DGKI: variants seen among roughly 807,000 people sequenced by gnomAD.
DGKI encodes diacylglycerol kinase iota, also known as DAG kinase iota.
A neutral mutation model predicts 147.5 loss-of-function variants in DGKI; 55 were observed. The observed-to-expected ratio is 0.37, with a 90% CI of 0.30 to 0.47. The LOEUF is 0.47. Ranked by LOEUF, DGKI falls within the 20% of genes least tolerant of loss-of-function variation. DGKI has a pLI of 1.00. For missense variants in DGKI, 1,007 were observed against 1,323.8 expected (o/e 0.76, Z 3.71); for synonymous variants, 469 against 477.1 (o/e 0.98, Z 0.22).
intron 2 of DGKI, among the ~76,000 whole-genome samples, chr7:137,683,074 T>A (rs140954697): frequency 1.3e-5 from 2 of 152,272 alleles, no homozygotes; most frequent in Non-Finnish European, 2.9e-5. Flanking sequence ...CTTTTCATTA[T>A]CTGAATATAC....
chr7:137,753,620 G>A (rs1211236422), intron 1 of DGKI, among the ~76,000 whole-genome samples: 1 of 152,158 alleles, frequency 6.6e-6, no homozygotes, highest in Non-Finnish European at 1.5e-5. Context: ...AGGCAAGGCT[G>A]ATAGAGGTTT....
At chr7:137,588,609 C>T (rs1396873539) in intron 12 of DGKI, among the ~76,000 whole-genome samples, 5 of 151,750 alleles carry the variant, frequency 3.3e-5, no homozygotes, top group Admixed American at 1.3e-4. Flanking sequence ...CCCAAGTAGC[C>T]GGGACTACAG....
In DGKI at chr7:137,624,474, T is replaced by G. The variant is rs140890073; in HGVS notation, c.805-920A>C. ...TCTGGCTTAATGTGTACAGATAATT[T>G]TAAGTTGAAAATCAATTACCACATT... is the stretch of plus-strand genomic sequence containing the variant. On this transcript the variant is annotated intron_variant, in intron 6 of 32. Transcript: ENST00000614521. 6.8e-4 allele frequency among the ~76,000 whole-genome samples: 104 copies of G among 152,332 alleles called. 1 individual carries two copies. The highest frequency in any genetic ancestry group is 2.5e-3 in the African/African-American group (103 of 41,574).
In DGKI at chr7:137,387,045, C is replaced by G. The variant is rs1042231917; in HGVS notation, c.*4175G>C. On this transcript the variant is annotated 3_prime_UTR_variant, in exon 33 of 33. Coordinates refer to ENST00000614521, the MANE Select transcript of DGKI (RefSeq NM_001321708.2). ...GTTCTCAGTGATTTCATTAGCTACT[C>G]CTTCTGGAAGGAAGACAAGCTGCTC... The G allele has an allele frequency of 1.2e-4, 18 of 152,068 alleles. No homozygotes were observed. Among genetic ancestry groups the G allele is most frequent in the African/African-American group, 3.9e-4 (16 of 41,408 alleles). 9.4% of individuals were successfully genotyped at this position (152,068 alleles called of 1,614,324 possible). A position where few individuals can be genotyped will look rare whatever the true frequency, so the allele number is the denominator to read the frequency against.
chr7:137,438,646 G>T (rs1180567031), intron 28 of DGKI, among the ~76,000 whole-genome samples: 1 of 151,986 alleles, frequency 6.6e-6, no homozygotes, highest in Non-Finnish European at 1.5e-5. Flanking sequence ...GTTTGCAAGA[G>T]CAAAACAAAA....
At chr7:137,479,613 G>C (rs1815299343) in intron 23 of DGKI, among the ~76,000 whole-genome samples, 2 of 152,118 alleles carry the variant, frequency 1.3e-5, no homozygotes, top group Admixed American at 6.6e-5. Flanking sequence ...TTCCAATTAA[G>C]CAATATTCAC....
chr7:137,704,806 T>C (rs1793959633), intron 1 of DGKI, among the ~76,000 whole-genome samples: 1 of 152,170 alleles, frequency 6.6e-6, no homozygotes, highest in Admixed American at 6.5e-5. Flanking sequence ...GCATCCTTCA[T>C]ACTAATGGAT....
intron 1 of DGKI, among the ~76,000 whole-genome samples, chr7:137,773,852 C>A (rs1378605112): frequency 2.6e-5 from 4 of 152,140 alleles, no homozygotes; most frequent in Non-Finnish European, 5.9e-5. Flanking sequence ...AACTGAGGCT[C>A]ACAGAAGCTA....
chr7:137,561,195 T>TAA (rs554014500), intron 19 of DGKI, among the ~76,000 whole-genome samples: 8 of 140,554 alleles, frequency 5.7e-5, no homozygotes, highest in Non-Finnish European at 9.4e-5. Flanking sequence ...CAACAAAAAA[T>TAA]AAAAAAAAAA....
At position 137,678,723 on chromosome 7, in the gene DGKI, A is replaced by G; in HGVS notation, c.511-71T>C. On this transcript the variant is annotated intron_variant, in intron 2 of 32. Coordinates refer to ENST00000614521, the MANE Select transcript of DGKI (RefSeq NM_001321708.2). Reference sequence around the variant, plus strand: ...ATAAGGAAAACTATTTCAAATTTAGATTTGGGATACAAGAAAGTTAGTGAA... The same window carrying G: ...ATAAGGAAAACTATTTCAAATTTAGGTTTGGGATACAAGAAAGTTAGTGAA... The G allele has an allele frequency of 2.2e-6, 3 of 1,384,470 alleles. No individual in the cohort carries two copies. The East Asian group carries it at 6.9e-5, about 32-fold the overall frequency. 85.8% of individuals were successfully genotyped at this position (1,384,470 alleles called of 1,614,324 possible). A position where few individuals can be genotyped will look rare whatever the true frequency, so the allele number is the denominator to read the frequency against.
rs3778814 is a variant in DGKI, at chr7:137,764,052, A to G, written c.402-74050T>C. ...AAAAGTGTCAAGTGATGGCTCCCAC[A>G]TGGACTTTGATCAGACACTATCACA... On this transcript the variant is annotated intron_variant, in intron 1 of 32. Transcript: ENST00000614521. Among the ~76,000 whole-genome samples, 13 of 152,318 alleles carry G rather than the reference A, an allele frequency of 8.5e-5. No individual in the cohort carries two copies. In the East Asian group the frequency reaches 2.5e-3, roughly 29 times the overall value.
intron 23 of DGKI, among the ~76,000 whole-genome samples, chr7:137,470,310 C>T (rs140463722): frequency 3.0e-4 from 45 of 152,302 alleles, no homozygotes; most frequent in African/African-American, 1.1e-3. Context: ...TTCCCCTCTC[C>T]TATTTAACAT....
intron 8 of DGKI, among the ~76,000 whole-genome samples, chr7:137,614,692 C>T (rs1820472317): frequency 6.6e-6 from 1 of 152,144 alleles, no homozygotes; most frequent in Non-Finnish European, 1.5e-5. Flanking sequence ...AAGCAGCCCT[C>T]ACTCCCTTTA....
At chr7:137,609,816 G>A (rs998298136) in intron 8 of DGKI, among the ~76,000 whole-genome samples, 1 of 152,014 alleles carries the variant, frequency 6.6e-6, no homozygotes, top group Non-Finnish European at 1.5e-5. Context: ...TCCACCACAC[G>A]GAGAGGCAGG....
At chr7:137,649,818 A>C (rs992851603) in intron 5 of DGKI, among the ~76,000 whole-genome samples, 3 of 150,344 alleles carry the variant, frequency 2.0e-5, no homozygotes, top group African/African-American at 7.3e-5. Context: ...AGGACCTTAG[A>C]AATCATAACC....
At chr7:137,750,610 G>A (rs761202505) in intron 1 of DGKI, among the ~76,000 whole-genome samples, 5 of 152,094 alleles carry the variant, frequency 3.3e-5, no homozygotes, top group African/African-American at 4.8e-5. Flanking sequence ...TGGGTATTCA[G>A]GGCAGCAATC....
At chr7:137,563,351 A>T (rs1021667488) in intron 19 of DGKI, among the ~76,000 whole-genome samples, 1 of 152,034 alleles carries the variant, frequency 6.6e-6, no homozygotes, top group African/African-American at 2.4e-5. Flanking sequence ...GAACAATACA[A>T]ACATGTGCAT....
At chr7:137,631,831 G>A (rs1455808616) in intron 6 of DGKI, among the ~76,000 whole-genome samples, 1 of 152,170 alleles carries the variant, frequency 6.6e-6, no homozygotes, top group Non-Finnish European at 1.5e-5. Context: ...GGCTAAAGCT[G>A]CTATATTAGG....
chr7:137,816,319 C>T (rs1429986388), intron 1 of DGKI, among the ~76,000 whole-genome samples: 1 of 152,188 alleles, frequency 6.6e-6, no homozygotes, highest in Non-Finnish European at 1.5e-5. Flanking sequence ...GGGAAAATAA[C>T]TCTCTTTCTC....
Sources: allele counts gnomAD v4.1 joint callset (sites outside exome capture counted in the v4.1 genomes callset), GRCh38; gene constraint gnomAD v4.1.1; transcripts MANE v1.5; gene names NCBI Gene and HGNC (gene_info 2026-07-23, HGNC 2026-07-21).